Variants in RGS7 observed in about 807,000 individuals in gnomAD.
The protein encoded by RGS7 is regulator of G protein signaling 7.
In RGS7, 27 loss-of-function variants were observed where a neutral mutation model predicts 81.1. The ratio of observed to expected loss-of-function variants is 0.33; its 90% CI spans 0.25 to 0.46. RGS7 has a LOEUF of 0.46. Among genes scored for constraint, RGS7 ranks in the 20% least tolerant of loss-of-function variants. The probability of loss-of-function intolerance (pLI) is 1.00; values close to 1 mark genes in which losing one functional copy is unlikely to be tolerated. For synonymous variants in RGS7, 208 were observed against 207.7 expected, an observed-to-expected ratio of 1.00 and a Z score of -0.01; for missense variants, 396 against 607.4, an observed-to-expected ratio of 0.65 and a Z score of 3.66.
At chr1:241,194,142 TTTC>T (rs2072892637) in intron 2 of RGS7, among the ~76,000 whole-genome samples, 1 of 152,198 alleles carries the variant, frequency 6.6e-6, no homozygotes, top group African/African-American at 2.4e-5. Flanking sequence ...ACCTAAATTT[TTTC>T]TTCTTCTAAC....
intron 4 of RGS7, among the ~76,000 whole-genome samples, chr1:240,938,821 C>CGTGT (rs112229453): frequency 8.9e-5 from 13 of 146,490 alleles, no homozygotes; most frequent in East Asian, 6.0e-4. Context: ...CAATTTTGTG[C>CGTGT]GTGTGTGTGT....
chr1:241,108,066 G>A (rs2065242360), intron 2 of RGS7, among the ~76,000 whole-genome samples: 1 of 152,046 alleles, frequency 6.6e-6, no homozygotes, highest in Non-Finnish European at 1.5e-5. Flanking sequence ...ATGCCGAGGC[G>A]GGTGGATCAC....
At chr1:241,321,262 A>T (rs953521241) in intron 2 of RGS7, among the ~76,000 whole-genome samples, 1 of 152,158 alleles carries the variant, frequency 6.6e-6, no homozygotes, top group Non-Finnish European at 1.5e-5. Context: ...AGATATCTCA[A>T]ATTTGAACTT....
At chr1:241,309,346 A>T (rs1364846792) in intron 2 of RGS7, among the ~76,000 whole-genome samples, 1 of 133,464 alleles carries the variant, frequency 7.5e-6, no homozygotes, top group Non-Finnish European at 1.5e-5. Flanking sequence ...AGATCACACC[A>T]TTGCACTCCA....
intron 2 of RGS7, among the ~76,000 whole-genome samples, chr1:241,301,488 G>C (rs77588613): frequency 1.3e-5 from 2 of 152,162 alleles, no homozygotes; most frequent in African/African-American, 4.8e-5. Context: ...TAGGGATGAT[G>C]GTTAAGGGTT....
intron 2 of RGS7, among the ~76,000 whole-genome samples, chr1:241,324,741 T>C (rs1222718916): frequency 6.6e-6 from 1 of 152,240 alleles, no homozygotes; most frequent in African/African-American, 2.4e-5. Context: ...TCATTTTCTC[T>C]GGCTTTTTTC....
intron 2 of RGS7, among the ~76,000 whole-genome samples, chr1:241,147,962 C>G (rs2068467774): frequency 6.7e-6 from 1 of 149,176 alleles, no homozygotes; most frequent in Non-Finnish European, 1.5e-5. Flanking sequence ...TGTTAGGCAT[C>G]ACAGGCTCTC....
At chr1:241,319,323 A>T (rs1298019222) in intron 2 of RGS7, among the ~76,000 whole-genome samples, 1 of 152,194 alleles carries the variant, frequency 6.6e-6, no homozygotes, top group Non-Finnish European at 1.5e-5. Context: ...TAAACATGAA[A>T]TGCTAATATA....
chr1:241,239,498 C>A (rs1056874630), intron 2 of RGS7, among the ~76,000 whole-genome samples: 2 of 152,156 alleles, frequency 1.3e-5, no homozygotes, highest in Non-Finnish European at 2.9e-5. Context: ...AAAGTCCAAA[C>A]TTTTTAGCCG....
chr1:240,893,801 T>G (rs1318184232), intron 6 of RGS7, among the ~76,000 whole-genome samples: 5 of 152,182 alleles, frequency 3.3e-5, no homozygotes, highest in Non-Finnish European at 1.5e-5. Context: ...CATATGAGAT[T>G]GAAGAGTTTT....
intron 2 of RGS7, among the ~76,000 whole-genome samples, chr1:241,231,033 T>TCTAGAAATCCCTCCTCCCTAAGTA (rs2075636948): frequency 1.3e-5 from 2 of 152,220 alleles, no homozygotes; most frequent in African/African-American, 4.8e-5. Flanking sequence ...CCTTGACTAG[T>TCTAGAAATCCCTCCTCCCTAAGTA]CTAGAAATCC....
chr1:241,045,261 A>G (rs747229041), intron 3 of RGS7, among the ~76,000 whole-genome samples: 3 of 152,164 alleles, frequency 2.0e-5, no homozygotes, highest in Admixed American at 6.5e-5. Flanking sequence ...AATCTTCTGC[A>G]TGCTAGACTT....
intron 4 of RGS7, among the ~76,000 whole-genome samples, chr1:240,978,002 G>A (rs1461316310): frequency 6.6e-6 from 1 of 152,184 alleles, no homozygotes; most frequent in Non-Finnish European, 1.5e-5. Context: ...ATATCATGGT[G>A]ACATCCTGAG....
At chr1:241,330,352 C>T (rs576147279) in intron 2 of RGS7, among the ~76,000 whole-genome samples, 1 of 152,296 alleles carries the variant, frequency 6.6e-6, no homozygotes, top group South Asian at 2.1e-4. Flanking sequence ...ACCACATGAT[C>T]TATCAGATTC....
chr1:241,192,812 C>T (rs2072784445), intron 2 of RGS7, among the ~76,000 whole-genome samples: 1 of 152,102 alleles, frequency 6.6e-6, no homozygotes, highest in Admixed American at 6.5e-5. Flanking sequence ...CCCACAGTAC[C>T]AAGAGTTCAG....
chr1:241,300,560 T>C (rs1461035099), intron 2 of RGS7, among the ~76,000 whole-genome samples: 2 of 152,226 alleles, frequency 1.3e-5, no homozygotes, highest in Admixed American at 6.5e-5. Context: ...TTAGCATGCA[T>C]TTAAGGTTCT....
intron 6 of RGS7, among the ~76,000 whole-genome samples, chr1:240,885,727 C>T (rs895708770): frequency 4.6e-5 from 7 of 152,088 alleles, no homozygotes; most frequent in African/African-American, 1.7e-4. Context: ...AGGGGAGCAA[C>T]AGACACTGGG....
At chr1:241,257,305 A>C (rs533905586) in intron 2 of RGS7, among the ~76,000 whole-genome samples, 1 of 152,046 alleles carries the variant, frequency 6.6e-6, no homozygotes, top group Non-Finnish European at 1.5e-5. Context: ...TAAGAAAATT[A>C]ATGCCATTCA....
rs187773548 is a variant in RGS7 at position 241,109,194 on chromosome 1, T to A, written c.79-10432A>T. On this transcript the variant is annotated intron_variant, in intron 2 of 18. Coordinates refer to ENST00000440928, the MANE Select transcript of RGS7 (RefSeq NM_001364886.1). ...CTAGCGTTATAACTTGCTTCCCACA[T>A]GCTCAGCAATTGCTCCTGCCTGCCT... 4.2e-3 allele frequency among the ~76,000 whole-genome samples: 640 copies of A among 152,310 alleles called. 8 individuals carry two copies. Among genetic ancestry groups the A allele is most frequent in the African/African-American group, 0.014 (565 of 41,564 alleles).
Sources: allele counts gnomAD v4.1 joint callset (sites outside exome capture counted in the v4.1 genomes callset), GRCh38; gene constraint gnomAD v4.1.1; transcripts MANE v1.5; gene names NCBI Gene and HGNC (gene_info 2026-07-23, HGNC 2026-07-21).